FAM120A: variants seen among roughly 807,000 people sequenced by gnomAD.
FAM120A encodes the protein family with sequence similarity 120 member A, also known as constitutive coactivator of PPAR-gamma-like protein 1.
FAM120A carries 15 observed loss-of-function variants against 109.7 expected under a neutral mutation model. The observed-to-expected ratio is 0.14, with a 90% CI of 0.09 to 0.21. The LOEUF is 0.21. Among genes scored for constraint, FAM120A ranks in the 10% least tolerant of loss-of-function variants. The pLI is 1.00. For synonymous variants in FAM120A, 493 were observed against 572.8 expected (o/e 0.86, Z 1.99); for missense variants, 899 against 1,439.3 (o/e 0.62, Z 6.07).
At chr9:93,516,567 T>C (rs1355532626) in intron 7 of FAM120A, among the ~76,000 whole-genome samples, 1 of 152,146 alleles carries the variant, frequency 6.6e-6, no homozygotes, top group African/African-American at 2.4e-5. Context: ...GACCAAAACA[T>C]GGGGGCATTT....
At chr9:93,514,837 A>C (rs1160306021) in intron 5 of FAM120A, among the ~76,000 whole-genome samples, 1 of 152,172 alleles carries the variant, frequency 6.6e-6, no homozygotes, top group Non-Finnish European at 1.5e-5. Context: ...TCCTGTGCTT[A>C]GTTAGGCCGC....
intron 1 of FAM120A, among the ~76,000 whole-genome samples, chr9:93,466,834 C>T (rs926491289): frequency 6.6e-6 from 1 of 152,132 alleles, no homozygotes; most frequent in African/African-American, 2.4e-5. Context: ...TAGTTTCTTT[C>T]TCTGACAGTG....
intron 5 of FAM120A, among the ~76,000 whole-genome samples, chr9:93,502,826 T>C (rs1859865988): frequency 1.3e-5 from 2 of 152,220 alleles, no homozygotes; most frequent in Admixed American, 6.5e-5. Context: ...AAATAAGATA[T>C]GTGATAGTTG....
intron 5 of FAM120A, among the ~76,000 whole-genome samples, chr9:93,503,757 G>A (rs1859905972): frequency 6.6e-6 from 1 of 152,016 alleles, no homozygotes; most frequent in Admixed American, 6.5e-5. Context: ...TGGCTCATTG[G>A]TTGGAACAAA....
intron 11 of FAM120A, among the ~76,000 whole-genome samples, chr9:93,544,721 G>T (rs1427808070): frequency 6.6e-6 from 1 of 152,146 alleles, no homozygotes; most frequent in Non-Finnish European, 1.5e-5. Context: ...TAGGCTTGTT[G>T]TCCCAACAGT....
chr9:93,457,802 C>CTTTTTT (rs34188475), intron 1 of FAM120A, among the ~76,000 whole-genome samples: 1 of 146,064 alleles, frequency 6.8e-6, no homozygotes, highest in Non-Finnish European at 1.5e-5. Flanking sequence ...AAATCTCTTC[C>CTTTTTT]TTTTTTTTTT....
At chr9:93,527,614 A>ATTTTTTTTTTTTT (rs67894788) in intron 8 of FAM120A, among the ~76,000 whole-genome samples, 8 of 80,700 alleles carry the variant, frequency 9.9e-5, no homozygotes, top group Admixed American at 1.8e-4. Context: ...TTTGTATTTA[A>ATTTTTTTTTTTTT]TTTTTTTTTT....
intron 12 of FAM120A, among the ~76,000 whole-genome samples, chr9:93,555,026 C>A (rs1405113483): frequency 6.6e-6 from 1 of 152,180 alleles, no homozygotes; most frequent in Non-Finnish European, 1.5e-5. Flanking sequence ...GAGAATTCTC[C>A]CTTTCTGCAG....
intron 11 of FAM120A, among the ~76,000 whole-genome samples, 200 bp from the exon 12 acceptor site, chr9:93,550,377 G>A (rs1244227223): frequency 2.6e-5 from 4 of 152,182 alleles, no homozygotes; most frequent in African/African-American, 2.4e-5. Flanking sequence ...TTATTCTAAA[G>A]TAAAACATTC....
chr9:93,496,491 G>C (rs1367823508), intron 3 of FAM120A, among the ~76,000 whole-genome samples: 2 of 152,186 alleles, frequency 1.3e-5, no homozygotes, highest in Non-Finnish European at 2.9e-5. Flanking sequence ...TCCTTTCCTT[G>C]TATGTTAACA....
chr9:93,486,656 C>T (rs1859071449), intron 3 of FAM120A, among the ~76,000 whole-genome samples: 1 of 151,606 alleles, frequency 6.6e-6, no homozygotes, highest in Non-Finnish European at 1.5e-5. Flanking sequence ...GTGTTAACCT[C>T]CTGAGTAGCT....
intron 3 of FAM120A, among the ~76,000 whole-genome samples, chr9:93,477,574 A>G (rs1312477866): frequency 6.6e-6 from 1 of 152,222 alleles, no homozygotes; most frequent in African/African-American, 2.4e-5. Flanking sequence ...GGATTGGGGA[A>G]ATGCAGCGTG....
At position 93,498,814 on chromosome 9, in the gene FAM120A, C is replaced by T. The variant is rs1433058940; in HGVS notation, c.958C>T (p.Arg320Ter). 1 of 1,611,680 alleles carries T rather than the reference C, an allele frequency of 6.2e-7. No homozygotes were observed. Among genetic ancestry groups the T allele is most frequent in the Admixed American group, 1.7e-5 (1 of 59,994 alleles). Residue 320 changes from arginine (R) to a stop codon, truncating the protein, a stop_gained, in exon 5 of 18, where the codon CGA becomes TGA. Coordinates refer to ENST00000277165, the MANE Select transcript of FAM120A (RefSeq NM_014612.5). LOFTEE classifies it high-confidence loss of function. The surrounding 1 kb of genome is among the most constrained non-coding windows in gnomAD (Gnocchi z 4.4). The stretch of plus-strand genomic sequence containing the variant: ...GTCTAGAACAGATGACAAAGTTATT[C>T]GATTTAAGAGAGCAATTGGATATTA... Reference protein sequence around the residue: ...SQSRTDDKVIRFKRAIGYYSA... With the variant: ...SQSRTDDKVI
intron 3 of FAM120A, among the ~76,000 whole-genome samples, chr9:93,490,297 T>C (rs1162779176): frequency 6.6e-6 from 1 of 152,226 alleles, no homozygotes; most frequent in Non-Finnish European, 1.5e-5. Context: ...AGAGACACTT[T>C]GGGAGCAGTG....
intron 3 of FAM120A, among the ~76,000 whole-genome samples, chr9:93,489,624 G>A (rs1401384887): frequency 6.6e-6 from 1 of 152,164 alleles, no homozygotes; most frequent in African/African-American, 2.4e-5. Flanking sequence ...TTCCATCTTT[G>A]GAGTGATGGT....
intron 3 of FAM120A, among the ~76,000 whole-genome samples, chr9:93,481,155 C>T (rs777826559): frequency 4.6e-5 from 7 of 152,224 alleles, no homozygotes; most frequent in East Asian, 1.9e-4. Context: ...TCATCAGAGG[C>T]GGCCTGCGGC....
chr9:93,544,757 C>T (rs1861822940), intron 11 of FAM120A, among the ~76,000 whole-genome samples: 1 of 152,184 alleles, frequency 6.6e-6, no homozygotes. Context: ...GAACCTGTTC[C>T]TGTTCCAGGT....
chr9:93,458,434 T>C (rs913190523), intron 1 of FAM120A, among the ~76,000 whole-genome samples: 3 of 152,136 alleles, frequency 2.0e-5, no homozygotes, highest in Non-Finnish European at 4.4e-5. Context: ...AGAGTCATGC[T>C]TGGTATTCCA....
chr9:93,463,682 C>T (rs915829364), intron 1 of FAM120A, among the ~76,000 whole-genome samples: 8 of 152,154 alleles, frequency 5.3e-5, no homozygotes, highest in East Asian at 1.9e-4. Flanking sequence ...TGGACCTATA[C>T]GCTCTTATGT....
Sources: gnomAD v4.1 joint callset for allele counts (sites outside exome capture counted in the v4.1 genomes callset) on GRCh38, gnomAD v4.1.1 for gene constraint, Gnocchi (gnomAD v3.1) non-coding constraint, MANE v1.5 for transcripts, NCBI Gene and HGNC (gene_info 2026-07-23, HGNC 2026-07-21) for gene names.